TTK: variants seen among roughly 807,000 people sequenced by gnomAD.
The protein encoded by TTK is TTK protein kinase, also known as dual specificity protein kinase TTK.
A neutral mutation model predicts 117.3 loss-of-function variants in TTK; 59 were observed. That is an observed-to-expected ratio of 0.50 (90% CI 0.41 to 0.62). TTK has a LOEUF of 0.62. TTK is among the 20% of genes least tolerant of loss of function. The probability of loss-of-function intolerance (pLI) is 0.00; values close to 1 mark genes in which losing one functional copy is unlikely to be tolerated. For missense variants in TTK, 921 were observed against 989.4 expected, an observed-to-expected ratio of 0.93 and a Z score of 0.93; for synonymous variants, 302 against 325.0, an observed-to-expected ratio of 0.93 and a Z score of 0.76.
intron 11 of TTK, among the ~76,000 whole-genome samples, chr6:80,023,252 A>G (rs1028962791): frequency 3.9e-5 from 6 of 152,220 alleles, no homozygotes; most frequent in African/African-American, 1.2e-4. Context: ...TATTTACTAT[A>G]TTAGGAAGTA....
In TTK at chr6:80,026,252, CT is replaced by C; in HGVS notation, c.1258-125del. On this transcript the variant is annotated intron_variant, in intron 11 of 21. Coordinates refer to ENST00000369798, the MANE Select transcript of TTK (RefSeq NM_003318.5). ...GTCTAAAATGTATATATATGCCTATCTCTTTTAGTATGCCTTTGTATATCAT... is the reference window on the plus strand; with the variant it reads ...GTCTAAAATGTATATATATGCCTATCCTTTTAGTATGCCTTTGTATATCAT... The C allele has an allele frequency of 3.1e-6, 3 of 965,352 alleles. No individual in the cohort carries two copies. In the South Asian group the frequency reaches 6.0e-5, roughly 19 times the overall value. The allele number at this position is 965,352 out of a possible 1,614,324, so 59.8% of individuals were successfully genotyped here.
chr6:80,036,694 C>A, intron 17 of TTK, 95 bp downstream of exon 17: 1 of 1,295,520 alleles, frequency 7.7e-7, no homozygotes, highest in Non-Finnish European at 1.0e-6. Context: ...TTTTAATCAC[C>A]TCATTCTTCA....
Position 80,040,643 on chromosome 6 carries a change from A to G in TTK, c.2430A>G (p.Lys810=), listed in dbSNP as rs201936710. Residue 810 remains lysine (K), a synonymous_variant, in exon 21 of 22, where the codon AAA becomes AAG. Coordinates refer to ENST00000369798, the MANE Select transcript of TTK (RefSeq NM_003318.5). ...CCAAGGGAACCACTGAAGAAATGAA[A>G]TATGTTCTGGGCCAACTTGTTGGTC... The part of the protein sequence containing the change: ...QMAKGTTEEM[K]YVLGQLVGLN... 22 of 1,612,002 alleles carry G rather than the reference A, an allele frequency of 1.4e-5. No homozygotes were observed. The African/African-American group carries it at 2.3e-4, about 17-fold the overall frequency.
At chr6:80,023,580 G>A (rs974901513) in intron 11 of TTK, among the ~76,000 whole-genome samples, 2 of 152,052 alleles carry the variant, frequency 1.3e-5, no homozygotes, top group South Asian at 2.1e-4. Context: ...GTGACAGAGC[G>A]AGACTCTGTC....
intron 13 of TTK, among the ~76,000 whole-genome samples, chr6:80,028,533 G>C (rs1767670041): frequency 6.6e-6 from 1 of 151,802 alleles, no homozygotes; most frequent in Non-Finnish European, 1.5e-5. Context: ...GCTCAGGCTG[G>C]TCTCAAACTC....
intron 2 of TTK, 106 bp downstream of exon 2, chr6:80,006,088 T>A: frequency 7.0e-7 from 1 of 1,430,084 alleles, no homozygotes. Flanking sequence ...GTGTTTATTG[T>A]CTTTCTCCTC....
Position 80,042,331 on chromosome 6 carries a change from T to C in TTK, c.*129T>C. On this transcript the variant is annotated 3_prime_UTR_variant, in exon 22 of 22. Transcript: ENST00000369798. Reference sequence around the variant, plus strand: ...AGTGTTATCAGCAAAAAAAATTCAGTAGATTATCTTTAAAAGAAAACTGTA... The same window carrying C: ...AGTGTTATCAGCAAAAAAAATTCAGCAGATTATCTTTAAAAGAAAACTGTA... The C allele has an allele frequency of 1.6e-6, 1 of 620,784 alleles. No individual in the cohort carries two copies. The highest frequency in any genetic ancestry group is 2.6e-6 in the Non-Finnish European group (1 of 379,174). 38.5% of individuals were successfully genotyped at this position (620,784 alleles called of 1,614,324 possible).
At chr6:80,015,034 C>T (rs72902781) in intron 10 of TTK, among the ~76,000 whole-genome samples, 2,670 of 152,086 alleles carry the variant, frequency 0.018, 38 homozygotes, top group Non-Finnish European at 0.028. Flanking sequence ...AAATGCAATG[C>T]TGAATAGAAT....
intron 10 of TTK, among the ~76,000 whole-genome samples, chr6:80,015,602 G>A (rs952330852): frequency 6.6e-6 from 1 of 152,184 alleles, no homozygotes; most frequent in South Asian, 2.1e-4. Flanking sequence ...GTTGGGAACA[G>A]ATTCTTATTC....
At chr6:80,017,407 A>C (rs959555744) in intron 10 of TTK, among the ~76,000 whole-genome samples, 1 of 152,100 alleles carries the variant, frequency 6.6e-6, no homozygotes, top group Non-Finnish European at 1.5e-5. Context: ...CCTCCTAAGT[A>C]GCTGGGACTT....
At chr6:80,005,264 G>A (rs1319725551) in intron 1 of TTK, among the ~76,000 whole-genome samples, 1 of 152,138 alleles carries the variant, frequency 6.6e-6, no homozygotes, top group Admixed American at 6.5e-5. Flanking sequence ...ATAAGCAAGT[G>A]CTCAGTACCA....
At chr6:80,017,775 G>A (rs1375427978) in intron 10 of TTK, among the ~76,000 whole-genome samples, 2 of 152,120 alleles carry the variant, frequency 1.3e-5, no homozygotes, top group Non-Finnish European at 2.9e-5. Context: ...AGAAATTTGG[G>A]AGAAACTGAC....
chr6:80,025,321 G>GA (rs913002458), intron 11 of TTK, among the ~76,000 whole-genome samples: 27 of 152,056 alleles, frequency 1.8e-4, no homozygotes, highest in African/African-American at 6.5e-4. Flanking sequence ...ATTTATCCTG[G>GA]AAAAAAAATT....
intron 11 of TTK, among the ~76,000 whole-genome samples, chr6:80,023,639 T>C (rs1767526417): frequency 6.6e-6 from 1 of 152,148 alleles, no homozygotes; most frequent in African/African-American, 2.4e-5. Context: ...CATGTGAATA[T>C]AAATGTACTT....
In TTK at chr6:80,022,444, C is replaced by T. The variant is rs752704358; in HGVS notation, c.1229C>T (p.Pro410Leu). 13 of 1,613,530 alleles carry T rather than the reference C, an allele frequency of 8.1e-6. No individual in the cohort carries two copies. Among genetic ancestry groups the T allele is most frequent in the Admixed American group, 3.3e-5 (2 of 59,948 alleles). Residue 410 changes from proline (P) to leucine (L), a missense_variant, in exon 11 of 22, where the codon CCG becomes CTG. Pro to Leu is a moderately conservative substitution (Grantham distance 98, BLOSUM62 -3). Coordinates refer to ENST00000369798, the MANE Select transcript of TTK (RefSeq NM_003318.5). ...PAASSNHWQIPELARKVNTEQ... is the reference protein window; with the variant it reads ...PAASSNHWQILELARKVNTEQ... ...GCATCTTCAAATCACTGGCAGATTC[C>T]GGAGTTAGCCCGAAAAGTTAATACA...
chr6:80,008,155 T>C, intron 3 of TTK, 124 bp downstream of exon 3: 2 of 1,214,192 alleles, frequency 1.6e-6, no homozygotes, highest in Admixed American at 3.0e-5. Context: ...CAAATACTTT[T>C]GCTTATAGTT....
At position 80,014,594 on chromosome 6, in the gene TTK, T is replaced by A; in HGVS notation, c.1108+8T>A. ...TTCTAGCTAAATTAGAAGGTAAGAG[T>A]AACAAAATCAGTAGACTTGTATGTT... On this transcript the variant is annotated splice_region_variant and intron_variant, in intron 10 of 21. Coordinates refer to ENST00000369798, the MANE Select transcript of TTK (RefSeq NM_003318.5). 1 of 1,592,394 alleles carries A rather than the reference T, an allele frequency of 6.3e-7. No homozygotes were observed. Among genetic ancestry groups the A allele is most frequent in the Non-Finnish European group, 8.5e-7 (1 of 1,171,468 alleles).
rs767396822 is a variant in TTK, at chr6:80,013,544, A to G, written c.984+178A>G. On this transcript the variant is annotated intron_variant, in intron 9 of 21. Coordinates refer to ENST00000369798, the MANE Select transcript of TTK (RefSeq NM_003318.5). ...GAAGTTGGTGCAGAAGTCCTAGACT[A>G]TGTTTCTCCAAGATTAAGGTGGTAG... The G allele has an allele frequency of 6.2e-6, 3 of 482,358 alleles. No individual in the cohort carries two copies. In the South Asian group the frequency reaches 1.1e-4, roughly 17 times the overall value. 29.9% of individuals were successfully genotyped at this position (482,358 alleles called of 1,614,324 possible).
In TTK at chr6:80,010,844, A is replaced by G; in HGVS notation, c.500A>G (p.Gln167Arg). ...GTCAAAAAAAGTAAACAACTTCTTC[A>G]AAAAGCTGTAGAACGTGGAGCAGTA... ...GNVKKSKQLL[Q>R]KAVERGAVPL... The change falls in exon 5 of 22, where the codon CAA becomes CGA. Residue 167 changes from glutamine to arginine, a missense_variant. Coordinates refer to ENST00000369798, the MANE Select transcript of TTK (RefSeq NM_003318.5). 6.2e-7 allele frequency: 1 copy of G among 1,611,434 alleles called. No individual in the cohort carries two copies. Among genetic ancestry groups the G allele is most frequent in the Non-Finnish European group, 8.5e-7 (1 of 1,178,374 alleles).
Sources: allele counts gnomAD v4.1 joint callset (sites outside exome capture counted in the v4.1 genomes callset), GRCh38; gene constraint gnomAD v4.1.1; transcripts MANE v1.5; gene names NCBI Gene and HGNC (gene_info 2026-07-23, HGNC 2026-07-21).